Variants in SENP1 observed in about 807,000 individuals in gnomAD.
SENP1 encodes SUMO specific peptidase 1, also known as sentrin-specific protease 1.
SENP1 carries 21 observed loss-of-function variants against 93.0 expected under a neutral mutation model. The ratio of observed to expected loss-of-function variants is 0.23; its 90% CI spans 0.16 to 0.33. The LOEUF is 0.33. Among genes scored for constraint, SENP1 ranks in the 10% least tolerant of loss-of-function variants. SENP1 has a pLI of 1.00. For missense variants in SENP1, 591 were observed against 758.7 expected, an observed-to-expected ratio of 0.78 and a Z score of 2.60; for synonymous variants, 256 against 259.6, an observed-to-expected ratio of 0.99 and a Z score of 0.13.
At chr12:48,089,111 A>C in intron 4 of SENP1, 151 bp from the exon 5 acceptor site, 1 of 1,565,620 alleles carries the variant, frequency 6.4e-7, no homozygotes. Context: ...CTGCCAGTAA[A>C]GTCTGCAGTA....
intron 9 of SENP1, among the ~76,000 whole-genome samples, chr12:48,071,268 T>C (rs1449630699): frequency 6.6e-6 from 1 of 152,220 alleles, no homozygotes; most frequent in African/African-American, 2.4e-5. Context: ...TTTTACATTA[T>C]GTAACTTTTA....
At chr12:48,102,810 CAAAAAAAAAAA>C in intron 1 of SENP1, among the ~76,000 whole-genome samples, 1 of 83,144 alleles carries the variant, frequency 1.2e-5, no homozygotes, top group East Asian at 4.1e-4. Flanking sequence ...GACTCCGTCT[CAAAAAAAAAAA>C]AAAAAAAAAG....
chr12:48,081,647 C>T (rs991282749), intron 6 of SENP1, among the ~76,000 whole-genome samples: 15 of 149,418 alleles, frequency 1.0e-4, no homozygotes, highest in African/African-American at 3.7e-4. Flanking sequence ...CACAGCTGAC[C>T]GTAGCCTTGA....
intron 1 of SENP1, among the ~76,000 whole-genome samples, 159 bp from the exon 2 acceptor site, chr12:48,101,675 T>C (rs1008969822): frequency 3.3e-5 from 5 of 152,166 alleles, no homozygotes; most frequent in Non-Finnish European, 7.4e-5. Context: ...GAGTAAAAAC[T>C]AAAACTAGCT....
chr12:48,093,862 G>A (rs1945381661), intron 4 of SENP1, among the ~76,000 whole-genome samples: 1 of 152,060 alleles, frequency 6.6e-6, no homozygotes, highest in African/African-American at 2.4e-5. Context: ...GCTACTCAGG[G>A]GGCTGAGGTG....
intron 2 of SENP1, among the ~76,000 whole-genome samples, chr12:48,098,643 CAAAA>C (rs749908469): frequency 2.7e-5 from 3 of 109,338 alleles, no homozygotes; most frequent in Admixed American, 9.3e-5. Context: ...AACTCCATCT[CAAAA>C]AAAAAAAAAA....
intron 13 of SENP1, among the ~76,000 whole-genome samples, chr12:48,057,790 T>A (rs1942659212): frequency 6.7e-6 from 1 of 150,258 alleles, no homozygotes; most frequent in South Asian, 2.1e-4. Flanking sequence ...GTAGACAGAG[T>A]TTTGCCATGT....
chr12:48,100,288 T>A (rs1399963947), intron 2 of SENP1, among the ~76,000 whole-genome samples: 1 of 152,198 alleles, frequency 6.6e-6, no homozygotes, highest in Non-Finnish European at 1.5e-5. Flanking sequence ...AATATTTACA[T>A]TAATCAAATT....
At chr12:48,072,360 G>T (rs1943766860) in intron 8 of SENP1, among the ~76,000 whole-genome samples, 2 of 152,042 alleles carry the variant, frequency 1.3e-5, no homozygotes, top group Admixed American at 6.6e-5. Context: ...TCCCCAAAAG[G>T]CAAAAGTAAT....
At chr12:48,064,299 C>A (rs1197988582) in intron 12 of SENP1, among the ~76,000 whole-genome samples, 1 of 151,912 alleles carries the variant, frequency 6.6e-6, no homozygotes, top group East Asian at 1.9e-4. Flanking sequence ...TTCAGTACAA[C>A]TATAATAAGT....
chr12:48,066,092 TAACATGCTTTTAAG>T (rs1943274233), intron 10 of SENP1, among the ~76,000 whole-genome samples: 1 of 152,218 alleles, frequency 6.6e-6, no homozygotes, highest in South Asian at 2.1e-4. Context: ...GTTCTTTTCT[TAACATGCTTTTAAG>T]ATTATAGTGA....
intron 6 of SENP1, among the ~76,000 whole-genome samples, chr12:48,079,801 A>G (rs1030501724): frequency 2.6e-5 from 4 of 152,214 alleles, no homozygotes; most frequent in Non-Finnish European, 5.9e-5. Flanking sequence ...TTTATAAATT[A>G]CCACCAATAA....
At chr12:48,065,331 A>C (rs1184066865) in intron 11 of SENP1, 111 bp from the exon 12 acceptor site, 1 of 886,644 alleles carries the variant, frequency 1.1e-6, no homozygotes, top group Non-Finnish European at 1.7e-6. Flanking sequence ...AGCGTGCTTA[A>C]ATGCCCATTG....
intron 13 of SENP1, among the ~76,000 whole-genome samples, chr12:48,060,352 A>G (rs754916125): frequency 2.0e-5 from 3 of 152,228 alleles, no homozygotes; most frequent in Non-Finnish European, 2.9e-5. Flanking sequence ...TTAGTCCCTC[A>G]AAGGAGAACC....
chr12:48,043,635 TAGAAAG>T lies in SENP1; in HGVS notation c.*1681_*1686del, dbSNP rs1374908650. On this transcript the variant is annotated 3_prime_UTR_variant, in exon 18 of 18. Coordinates refer to ENST00000549518, the MANE Select transcript of SENP1 (RefSeq NM_001267594.2). ...AAAAAGAAAGAAAAATAAAGAGAGATAGAAAGAGAAAGGGAAAGAAAGAGAGAGAAA... is the reference window on the plus strand; with the variant it reads ...AAAAAGAAAGAAAAATAAAGAGAGATAGAAAGGGAAAGAAAGAGAGAGAAA... 6.6e-6 allele frequency: 1 copy of T among 151,050 alleles called. No homozygotes were observed. The allele number at this position is 151,050 out of a possible 1,614,324, so 9.4% of individuals were successfully genotyped here. A position where few individuals can be genotyped will look rare whatever the true frequency, so the allele number is the denominator to read the frequency against.
intron 9 of SENP1, among the ~76,000 whole-genome samples, 158 bp downstream of exon 9, chr12:48,071,509 G>A (rs570889483): frequency 3.3e-5 from 5 of 152,096 alleles, no homozygotes; most frequent in Non-Finnish European, 7.4e-5. Context: ...CTAGCTACTC[G>A]GGAGGCTGAG....
chr12:48,077,455 C>G (rs1204702561), intron 6 of SENP1, among the ~76,000 whole-genome samples: 1 of 152,138 alleles, frequency 6.6e-6, no homozygotes, highest in African/African-American at 2.4e-5. Context: ...GAGATAAGGA[C>G]CTAATTTCAT....
rs1943721475 is a variant in SENP1 at position 48,071,732 on chromosome 12, A to C, written c.941-11T>G. On this transcript the variant is annotated splice_polypyrimidine_tract_variant and intron_variant, in intron 8 of 17. Coordinates refer to ENST00000549518, the MANE Select transcript of SENP1 (RefSeq NM_001267594.2). Reference sequence around the variant, plus strand: ...TCACAGAGTCTGATCCTAAAGAAACACAAGAGCATTTCATTAGTAATAAAA... The same window carrying C: ...TCACAGAGTCTGATCCTAAAGAAACCCAAGAGCATTTCATTAGTAATAAAA... 6.3e-7 allele frequency: 1 copy of C among 1,585,802 alleles called. No individual in the cohort carries two copies. Among genetic ancestry groups the C allele is most frequent in the African/African-American group, 1.3e-5 (1 of 74,406 alleles).
At position 48,106,073 on chromosome 12, in the gene SENP1, G is replaced by T. The variant is rs1317422499; in HGVS notation, c.-90C>A. On this transcript the variant is annotated 5_prime_UTR_variant, in exon 1 of 18. Coordinates refer to ENST00000549518, the MANE Select transcript of SENP1 (RefSeq NM_001267594.2). ...TGCGAAGGGGTTTCCGGCCGGGCGC[G>T]GAACGCAAAACCCGGGAACCGCCGC... 1.4e-6 allele frequency: 1 copy of T among 702,564 alleles called. No individual in the cohort carries two copies. The highest frequency in any genetic ancestry group is 2.6e-6 in the Non-Finnish European group (1 of 384,780). The allele number at this position is 702,564 out of a possible 1,614,324, so 43.5% of individuals were successfully genotyped here.
Sources: allele counts gnomAD v4.1 joint callset (sites outside exome capture counted in the v4.1 genomes callset), GRCh38; gene constraint gnomAD v4.1.1; transcripts MANE v1.5; gene names NCBI Gene and HGNC (gene_info 2026-07-23, HGNC 2026-07-21).